Variants in KIF1C observed in about 807,000 individuals in gnomAD.
The protein encoded by KIF1C is kinesin-like protein KIF1C.
Under a neutral mutation model 126.5 loss-of-function variants are expected in KIF1C, and 61 were observed. The ratio of observed to expected loss-of-function variants is 0.48; its 90% CI spans 0.39 to 0.60. The LOEUF (loss-of-function observed/expected upper bound fraction) is 0.60, where lower values mean the gene tolerates loss of function less well. Among genes scored for constraint, KIF1C ranks in the 20% least tolerant of loss-of-function variants. The pLI, the probability that KIF1C is intolerant of heterozygous loss-of-function variation, is 0.00. For missense variants in KIF1C, 1,315 were observed against 1,489.2 expected (o/e 0.88, Z 1.93); for synonymous variants, 640 against 580.6 (o/e 1.10, Z -1.47).
At chr17:5,006,212 A>T (rs570119437) in intron 13 of KIF1C, among the ~76,000 whole-genome samples, 7 of 151,852 alleles carry the variant, frequency 4.6e-5, no homozygotes, top group South Asian at 2.1e-4. Context: ...TCTCAGAAAA[A>T]AAAGTTCGAC....
chr17:5,001,997 C>T, intron 5 of KIF1C, 62 bp from the exon 6 acceptor site: 3 of 1,489,950 alleles, frequency 2.0e-6, no homozygotes, highest in East Asian at 4.5e-5. Flanking sequence ...TGGCCTGTGG[C>T]TGGACACTTT....
At chr17:5,007,373 G>A in intron 15 of KIF1C, 31 bp downstream of exon 15, 15 of 1,611,914 alleles carry the variant, frequency 9.3e-6, no homozygotes, top group Non-Finnish European at 1.3e-5. Context: ...GGTCCTGGGT[G>A]GAGTTGGAGG....
rs772475828 is a variant in KIF1C, at chr17:5,002,561, C to A, written c.527C>A (p.Pro176Gln). ...LRVREHPILG[P>Q]YVQDLSKLAV... is the part of the protein sequence containing the mutation. ...GTCCGGGAGCACCCCATCCTGGGCC[C>A]GTACGTGCAGGACCTGTCCAAATTG... Residue 176 changes from proline to glutamine, a missense_variant, in exon 7 of 23, where the codon CCG (proline) becomes CAG (glutamine). Physicochemically the swap from Pro to Gln is moderately conservative, Grantham distance 76 (BLOSUM62 -1). Around this residue, in one of 2 missense-constraint regions of KIF1C, gnomAD observed 874 missense variants for 1,053.2 expected, o/e 0.83. Transcript: ENST00000320785. 1 of 1,613,960 alleles carries A rather than the reference C, an allele frequency of 6.2e-7. No individual in the cohort carries two copies. The highest frequency in any genetic ancestry group is 2.2e-5 in the East Asian group (1 of 44,898).
Position 5,003,889 on chromosome 17 carries a change from G to A in KIF1C, c.837G>A (p.Gly279=). ...TCAATAAGTCCCTGACTACACTAGGGAAAGTGATCTCGGCCCTTGCAGATA... is the reference window on the plus strand; with the variant it reads ...TCAATAAGTCCCTGACTACACTAGGAAAAGTGATCTCGGCCCTTGCAGATA... The part of the protein sequence containing the change: ...ANINKSLTTL[G]KVISALADMQ... Residue 279 remains glycine, a synonymous_variant, in exon 10 of 23, where the codon GGG becomes GGA. Coordinates refer to ENST00000320785, the MANE Select transcript of KIF1C (RefSeq NM_006612.6). 6.2e-7 allele frequency: 1 copy of A among 1,614,108 alleles called. No homozygotes were observed. The highest frequency in any genetic ancestry group is 8.5e-7 in the Non-Finnish European group (1 of 1,179,984).
At chr17:4,999,591 C>T (rs1567718425) in intron 1 of KIF1C, among the ~76,000 whole-genome samples, 2 of 152,088 alleles carry the variant, frequency 1.3e-5, no homozygotes, top group African/African-American at 4.8e-5. Flanking sequence ...CCCATGTGCC[C>T]CTCTCTCTGA....
Position 5,002,526 on chromosome 17 carries a change from T to TTC in KIF1C, c.496_497dup (p.Arg167CysfsTer21), listed in dbSNP as rs1437233527. The TTC allele has an allele frequency of 6.2e-7, 1 of 1,613,766 alleles. No homozygotes were observed. Among genetic ancestry groups the TTC allele is most frequent in the Non-Finnish European group, 8.5e-7 (1 of 1,179,860 alleles). ...ACCTCTTGAACCCCAAGAGTCGGGGTTCTCTGCGGGTCCGGGAGCACCCCA... is the reference window on the plus strand; with the variant it reads ...ACCTCTTGAACCCCAAGAGTCGGGGTTCTCTCTGCGGGTCCGGGAGCACCCCA... On this transcript the variant is annotated frameshift_variant, in exon 7 of 23. Coordinates refer to ENST00000320785, the MANE Select transcript of KIF1C (RefSeq NM_006612.6). LOFTEE classifies it high-confidence loss of function.
At chr17:5,008,667 C>T (rs428251) in intron 16 of KIF1C, among the ~76,000 whole-genome samples, 27 of 152,308 alleles carry the variant, frequency 1.8e-4, no homozygotes, top group African/African-American at 6.0e-4. Context: ...CTTGCCTGGC[C>T]CAAGCCACAT....
Position 5,000,242 on chromosome 17 carries a change from G to T in KIF1C, c.-5G>T, listed in dbSNP as rs772665083. On this transcript the variant is annotated 5_prime_UTR_variant, in exon 3 of 23. Coordinates refer to ENST00000320785, the MANE Select transcript of KIF1C (RefSeq NM_006612.6). ...CAGCTGAGGAGGGCAGGAGTGTCTG[G>T]AGCTATGGCTGGTGCCTCGGTGAAA... 6.4e-7 allele frequency: 1 copy of T among 1,563,332 alleles called. No homozygotes were observed. Among genetic ancestry groups the T allele is most frequent in the South Asian group, 1.2e-5 (1 of 84,764 alleles).
chr17:5,008,832 T>C (rs1974794390), intron 16 of KIF1C, among the ~76,000 whole-genome samples: 1 of 152,150 alleles, frequency 6.6e-6, no homozygotes, highest in African/African-American at 2.4e-5. Context: ...ACGGATGCGC[T>C]CAGCATGGCT....
chr17:5,020,453 A>T lies in KIF1C; in HGVS notation c.1751-39A>T. On this transcript the variant is annotated intron_variant, in intron 19 of 22. Transcript: ENST00000320785. This position sits in a 1 kb window ranked among gnomAD's most constrained non-coding sequence, Gnocchi z 5.8. The stretch of plus-strand genomic sequence containing the variant: ...GGGTGTAGGGATGGATTTGGTGCTG[A>T]TGGGAAGCGAGTTTACTTTTCCCTC... 6.4e-7 allele frequency: 1 copy of T among 1,568,428 alleles called. No homozygotes were observed. Among genetic ancestry groups the T allele is most frequent in the Non-Finnish European group, 8.7e-7 (1 of 1,151,936 alleles).
rs1423334662 is a variant in KIF1C at position 5,020,062 on chromosome 17, C to T, written c.1733C>T (p.Pro578Leu). 1.9e-6 allele frequency: 3 copies of T among 1,595,896 alleles called. No individual in the cohort carries two copies. The highest frequency in any genetic ancestry group is 1.7e-4 in the Middle Eastern group (1 of 6,006). ...TYVNGKLVTEPLVLKSGNRIV... is the reference protein window; with the variant it reads ...TYVNGKLVTELLVLKSGNRIV... The stretch of plus-strand genomic sequence containing the variant: ...GTGAATGGGAAGCTTGTGACGGAGC[C>T]GCTGGTGCTGAAGTCAGGTAGAAGA... The change falls in exon 19 of 23, where the codon CCG (proline) becomes CTG (leucine). Residue 578 changes from proline (P) to leucine (L), a missense_variant. Physicochemically the swap from Pro to Leu is moderately conservative, Grantham distance 98. Coordinates refer to ENST00000320785, the MANE Select transcript of KIF1C (RefSeq NM_006612.6). This position sits in a 1 kb window ranked among gnomAD's most constrained non-coding sequence, Gnocchi z 5.8.
Position 5,023,409 on chromosome 17 carries a change from T to A in KIF1C, c.2629-59T>A. The A allele has an allele frequency of 7.1e-7, 1 of 1,400,902 alleles. No individual in the cohort carries two copies. Among genetic ancestry groups the A allele is most frequent in the Non-Finnish European group, 1.0e-6 (1 of 1,002,172 alleles). The allele number at this position is 1,400,902 out of a possible 1,614,324, so 86.8% of individuals were successfully genotyped here. A position where few individuals can be genotyped will look rare whatever the true frequency, so the allele number is the denominator to read the frequency against. On this transcript the variant is annotated intron_variant, in intron 22 of 22. Coordinates refer to ENST00000320785, the MANE Select transcript of KIF1C (RefSeq NM_006612.6). This position sits in a 1 kb window ranked among gnomAD's most constrained non-coding sequence, Gnocchi z 4.2. ...ACTCCAGGTCCCTCTTGAATCCACATGTCCTGAGGATTCAGCTCTCCTCAC... is the reference window on the plus strand; with the variant it reads ...ACTCCAGGTCCCTCTTGAATCCACAAGTCCTGAGGATTCAGCTCTCCTCAC...
In KIF1C at chr17:5,001,308, C is replaced by T. The variant is rs535190367; in HGVS notation, c.270C>T (p.Asn90=). ...EMLLHAFEGY[N]VCIFAYGQTG... is the part of the protein sequence containing the mutation. ...TGCTCCACGCCTTTGAAGGCTACAA[C>T]GTGTGCATCTTTGCCTATGGGCAGA... The change falls in exon 5 of 23, where the codon AAC becomes AAT. Residue 90 remains asparagine, a synonymous_variant. Coordinates refer to ENST00000320785, the MANE Select transcript of KIF1C (RefSeq NM_006612.6). 169 of 1,614,156 alleles carry T rather than the reference C, an allele frequency of 1.0e-4. 2 individuals are homozygous for T. The South Asian group carries it at 1.5e-3, about 14-fold the overall frequency.
chr17:5,024,238 G>C lies in KIF1C; in HGVS notation c.*87G>C. On this transcript the variant is annotated 3_prime_UTR_variant, in exon 23 of 23. Coordinates refer to ENST00000320785, the MANE Select transcript of KIF1C (RefSeq NM_006612.6). ...AGACGCTGCTTCCCCAGAAGTGCTG[G>C]GGCAGGGAGGCCCAGGAGATGAGAG... is the stretch of plus-strand genomic sequence containing the variant. 1 of 968,854 alleles carries C rather than the reference G, an allele frequency of 1.0e-6. No individual in the cohort carries two copies. The highest frequency in any genetic ancestry group is 1.5e-6 in the Non-Finnish European group (1 of 645,436). 60.0% of individuals were successfully genotyped at this position (968,854 alleles called of 1,614,324 possible).
chr17:5,021,784 TCTTTTAA>T, intron 21 of KIF1C, among the ~76,000 whole-genome samples: 1 of 152,140 alleles, frequency 6.6e-6, no homozygotes, highest in East Asian at 1.9e-4. Flanking sequence ...CCCTCAATGG[TCTTTTAA>T]GTCTTGCACA....
chr17:5,006,870 C>T, intron 13 of KIF1C, 45 bp from the exon 14 acceptor site: 3 of 1,601,254 alleles, frequency 1.9e-6, no homozygotes, highest in Non-Finnish European at 2.6e-6. Flanking sequence ...CTCATCAGCT[C>T]CTTCTTTCCT....
At chr17:5,000,962 G>A (rs1435616414) in intron 4 of KIF1C, 114 bp downstream of exon 4, 1 of 1,147,728 alleles carries the variant, frequency 8.7e-7, no homozygotes, top group Non-Finnish European at 1.3e-6. Flanking sequence ...GGTGAATTGG[G>A]AGGATGATCC....
chr17:5,018,771 GTC>G (rs2143374189), intron 18 of KIF1C, among the ~76,000 whole-genome samples: 1 of 152,044 alleles, frequency 6.6e-6, no homozygotes, highest in East Asian at 1.9e-4. Flanking sequence ...CTTGTTTATT[GTC>G]TGTCTTACCA....
chr17:5,020,811 A>G lies in KIF1C; in HGVS notation c.1943A>G (p.Gln648Arg). The G allele has an allele frequency of 6.3e-7, 1 of 1,594,754 alleles. No homozygotes were observed. The highest frequency in any genetic ancestry group is 1.3e-5 in the African/African-American group (1 of 74,832). Residue 648 changes from glutamine (Q) to arginine (R), a missense_variant, in exon 21 of 23, where the codon CAG becomes CGG. This residue lies in a region of KIF1C where 874 missense variants were observed against 1,053.2 expected (regional missense o/e 0.83). Transcript: ENST00000320785. This position sits in a 1 kb window ranked among gnomAD's most constrained non-coding sequence, Gnocchi z 5.8. ...DIKLEMEKRL[Q>R]DLENQYRKEK... is the part of the protein sequence containing the mutation. ...CCCTCCCTGTCCAATCCCAGGCTGC[A>G]GGATCTGGAGAATCAGTACCGGAAA...
Sources: allele counts gnomAD v4.1 joint callset (sites outside exome capture counted in the v4.1 genomes callset), GRCh38; gene constraint gnomAD v4.1.1; regional missense constraint gnomAD v4.1.1; non-coding constraint Gnocchi (gnomAD v3.1); transcripts MANE v1.5; gene names NCBI Gene and HGNC (gene_info 2026-07-23, HGNC 2026-07-21).